The following ASAP2 variants were observed in gnomAD, a reference collection of about 807,000 sequenced individuals.
The protein encoded by ASAP2 is ArfGAP with SH3 domain, ankyrin repeat and PH domain 2, also known as arf-GAP with SH3 domain, ANK repeat and PH domain-containing protein 2.
Under a neutral mutation model 131.4 loss-of-function variants are expected in ASAP2, and 45 were observed. The observed-to-expected ratio is 0.34, with a 90% CI of 0.27 to 0.44. The LOEUF (loss-of-function observed/expected upper bound fraction) is 0.44. Among genes scored for constraint, ASAP2 ranks in the 20% least tolerant of loss-of-function variants. The pLI is 1.00. For synonymous variants in ASAP2, 510 were observed against 503.0 expected, an observed-to-expected ratio of 1.01 and a Z score of -0.19; for missense variants, 1,011 against 1,297.0, an observed-to-expected ratio of 0.78 and a Z score of 3.39.
At chr2:9,359,798 A>G (rs1269919326) in intron 15 of ASAP2, among the ~76,000 whole-genome samples, 2 of 152,188 alleles carry the variant, frequency 1.3e-5, no homozygotes, top group African/African-American at 4.8e-5. Flanking sequence ...TCTCTTGTCA[A>G]ACCTTTCCAG....
At chr2:9,228,030 G>A (rs1003188142) in intron 1 of ASAP2, among the ~76,000 whole-genome samples, 26 of 152,280 alleles carry the variant, frequency 1.7e-4, no homozygotes, top group African/African-American at 6.3e-4. Flanking sequence ...CAGCGAGATC[G>A]GAGAGGATAG....
At chr2:9,212,691 G>A (rs1019123077) in intron 1 of ASAP2, among the ~76,000 whole-genome samples, 1 of 152,126 alleles carries the variant, frequency 6.6e-6, no homozygotes. Flanking sequence ...TGATGAGGCA[G>A]CCTAAGACAA....
At chr2:9,380,150 A>G (rs1331168982) in intron 19 of ASAP2, among the ~76,000 whole-genome samples, 1 of 152,078 alleles carries the variant, frequency 6.6e-6, no homozygotes. Context: ...TACAGTTTGG[A>G]TGTGGATTTT....
intron 3 of ASAP2, among the ~76,000 whole-genome samples, chr2:9,301,820 C>CTTTTTTTTTTTT (rs1177064910): frequency 2.6e-5 from 3 of 115,410 alleles, no homozygotes; most frequent in African/African-American, 3.5e-5. Flanking sequence ...TATCCATCAT[C>CTTTTTTTTTTTT]TTTTTTTTTT....
chr2:9,240,314 C>T (rs1439887149), intron 1 of ASAP2, among the ~76,000 whole-genome samples: 10 of 147,588 alleles, frequency 6.8e-5, no homozygotes, highest in African/African-American at 1.8e-4. Flanking sequence ...AGTGCAGTGG[C>T]GCCATCACGG....
intron 2 of ASAP2, 31 bp downstream of exon 2, chr2:9,279,420 G>T: frequency 6.2e-7 from 1 of 1,602,864 alleles, no homozygotes; most frequent in African/African-American, 1.3e-5. Context: ...AGAGGTTTCT[G>T]TGTGGAAAAT....
At chr2:9,340,256 C>T (rs1292841669) in intron 9 of ASAP2, among the ~76,000 whole-genome samples, 1 of 152,164 alleles carries the variant, frequency 6.6e-6, no homozygotes, top group African/African-American at 2.4e-5. Context: ...CTCCTGACCT[C>T]GTGATCTGCC....
At chr2:9,233,844 C>T (rs564409677) in intron 1 of ASAP2, among the ~76,000 whole-genome samples, 3 of 151,694 alleles carry the variant, frequency 2.0e-5, no homozygotes, top group Non-Finnish European at 4.4e-5. Flanking sequence ...GGCATGGTGG[C>T]TCACGCCTGT....
At chr2:9,302,062 A>G (rs1304942801) in intron 3 of ASAP2, among the ~76,000 whole-genome samples, 1 of 144,268 alleles carries the variant, frequency 6.9e-6, no homozygotes, top group Non-Finnish European at 1.5e-5. Context: ...TGACCTCGTG[A>G]TCCACCCGCC....
In ASAP2 at chr2:9,306,102, G is replaced by C. The variant is rs1430859099; in HGVS notation, c.345+8657G>C. ...GGGTGGGGTTATGGGGGTAGGGGCT[G>C]TGAGGGGTGTATATATTGGTGGAGG... On this transcript the variant is annotated intron_variant, in intron 3 of 27. Transcript: ENST00000281419. 8.5e-5 allele frequency among the ~76,000 whole-genome samples: 11 copies of C among 129,056 alleles called. No homozygotes were observed. The East Asian group carries it at 2.8e-3, about 33-fold the overall frequency. 84.7% of individuals were successfully genotyped at this position (129,056 alleles called of 152,430 possible).
chr2:9,244,305 A>G (rs1182636522), intron 1 of ASAP2, among the ~76,000 whole-genome samples: 2 of 152,240 alleles, frequency 1.3e-5, no homozygotes, highest in African/African-American at 4.8e-5. Context: ...CAAAACAACA[A>G]CAATAAAAAG....
chr2:9,291,509 T>C (rs1379711151), intron 2 of ASAP2, among the ~76,000 whole-genome samples: 1 of 152,190 alleles, frequency 6.6e-6, no homozygotes. Context: ...TGGTCTCCAC[T>C]GTGCAGAGTT....
intron 7 of ASAP2, among the ~76,000 whole-genome samples, chr2:9,334,201 G>GTTTTTTTTTTTTTTTTTTTTT (rs111579113): frequency 7.7e-6 from 1 of 129,494 alleles, no homozygotes; most frequent in African/African-American, 3.0e-5. Context: ...TTTTGTATTT[G>GTTTTTTTTTTTTTTTTTTTTT]TTTTTTTTTT....
chr2:9,227,074 C>T (rs949203757), intron 1 of ASAP2, among the ~76,000 whole-genome samples: 1 of 152,194 alleles, frequency 6.6e-6, no homozygotes, highest in Non-Finnish European at 1.5e-5. Context: ...ATTTCAGATC[C>T]TCCTCTCCTG....
chr2:9,381,980 CTTTT>C (rs759499289), intron 20 of ASAP2, among the ~76,000 whole-genome samples: 2 of 115,968 alleles, frequency 1.7e-5, no homozygotes, highest in South Asian at 2.8e-4. Context: ...CTCATTTAAT[CTTTT>C]TTTTTTTTTT....
intron 7 of ASAP2, among the ~76,000 whole-genome samples, chr2:9,330,347 C>T (rs900293311): frequency 2.0e-5 from 3 of 152,154 alleles, no homozygotes; most frequent in African/African-American, 4.8e-5. Flanking sequence ...GTTCCCACTC[C>T]TAAGTGGGTG....
At chr2:9,290,279 G>A (rs185496496) in intron 2 of ASAP2, among the ~76,000 whole-genome samples, 149 of 152,208 alleles carry the variant, frequency 9.8e-4, no homozygotes, top group Middle Eastern at 6.8e-3. Context: ...GCACGATCTC[G>A]GCTCACTGCA....
In ASAP2 at chr2:9,268,165, G is replaced by A. The variant is rs1327374082; in HGVS notation, c.127-11152G>A. Among the ~76,000 whole-genome samples the A allele has an allele frequency of 2.0e-5, 3 of 152,182 alleles. No individual in the cohort carries two copies. Among genetic ancestry groups the A allele is most frequent in the African/African-American group, 4.8e-5 (2 of 41,434 alleles). On this transcript the variant is annotated intron_variant, in intron 1 of 27. Transcript: ENST00000281419. This position sits in a 1 kb window ranked among gnomAD's most constrained non-coding sequence, Gnocchi z 4.1. ...TTGTCAAGTTCACTTGTGTTGTGGG[G>A]TAAGTTTGTTCTCTTCCGTTGCTGT...
intron 1 of ASAP2, among the ~76,000 whole-genome samples, chr2:9,208,540 C>T (rs745642830): frequency 6.0e-5 from 9 of 150,664 alleles, no homozygotes; most frequent in Non-Finnish European, 1.0e-4. Context: ...AAAAGGGAGT[C>T]AAAAGTAACA....
Sources: allele counts gnomAD v4.1 joint callset (sites outside exome capture counted in the v4.1 genomes callset), GRCh38; gene constraint gnomAD v4.1.1; non-coding constraint Gnocchi (gnomAD v3.1); transcripts MANE v1.5; gene names NCBI Gene and HGNC (gene_info 2026-07-23, HGNC 2026-07-21).